The following TMEM132B variants were observed in gnomAD, a reference collection of about 807,000 sequenced individuals.
TMEM132B encodes the protein transmembrane protein 132B.
A neutral mutation model predicts 90.8 loss-of-function variants in TMEM132B; 18 were observed. The ratio of observed to expected loss-of-function variants is 0.20; its 90% CI spans 0.14 to 0.29. TMEM132B has a LOEUF of 0.29. TMEM132B is among the 10% of genes least tolerant of loss of function. TMEM132B has a pLI of 1.00. For missense variants in TMEM132B, 1,096 were observed against 1,326.8 expected (o/e 0.83, Z 2.70); for synonymous variants, 504 against 523.3 (o/e 0.96, Z 0.50).
intron 1 of TMEM132B, among the ~76,000 whole-genome samples, chr12:125,318,844 T>G (rs1467226524): frequency 6.6e-6 from 1 of 152,246 alleles, no homozygotes; most frequent in Non-Finnish European, 1.5e-5. Flanking sequence ...TTCACTGTAT[T>G]ATAAAAATCC....
chr12:125,235,539 G>T (rs1003095017), intron 1 of TMEM132B, among the ~76,000 whole-genome samples: 3 of 150,572 alleles, frequency 2.0e-5, no homozygotes, highest in Non-Finnish European at 4.4e-5. Flanking sequence ...TCACAACGTT[G>T]TGCAACCACC....
intron 1 of TMEM132B, among the ~76,000 whole-genome samples, chr12:125,346,638 A>G (rs1225734547): frequency 6.6e-6 from 1 of 152,240 alleles, no homozygotes; most frequent in African/African-American, 2.4e-5. Context: ...GTCAAAATAC[A>G]GATTGCCCCT....
At chr12:125,309,881 G>T (rs937029924) in intron 1 of TMEM132B, among the ~76,000 whole-genome samples, 1 of 152,132 alleles carries the variant, frequency 6.6e-6, no homozygotes. Flanking sequence ...TGGTCCACTT[G>T]TTGTCATCAT....
chr12:125,400,027 C>A (rs997430295), intron 2 of TMEM132B, among the ~76,000 whole-genome samples: 7 of 152,120 alleles, frequency 4.6e-5, no homozygotes, highest in Admixed American at 2.0e-4. Flanking sequence ...ATTGTAGCTG[C>A]GATGATTGTT....
At chr12:125,353,230 T>G (rs564956226) in intron 2 of TMEM132B, among the ~76,000 whole-genome samples, 2 of 151,816 alleles carry the variant, frequency 1.3e-5, no homozygotes, top group African/African-American at 2.4e-5. Context: ...ACTTCAGCAC[T>G]CCCTCTGCCA....
chr12:125,626,047 C>T (rs1007656553), intron 5 of TMEM132B, among the ~76,000 whole-genome samples: 3 of 152,168 alleles, frequency 2.0e-5, no homozygotes, highest in East Asian at 1.9e-4. Context: ...TATTAACACA[C>T]AATGCATTGT....
intron 2 of TMEM132B, among the ~76,000 whole-genome samples, chr12:125,357,981 C>T (rs929251816): frequency 3.3e-5 from 5 of 152,294 alleles, no homozygotes; most frequent in Admixed American, 6.5e-5. Context: ...TGCGTTCTCC[C>T]GGTGCCCTGG....
chr12:125,236,601 T>C (rs1394191356), intron 1 of TMEM132B, among the ~76,000 whole-genome samples: 2 of 152,226 alleles, frequency 1.3e-5, no homozygotes, highest in Non-Finnish European at 2.9e-5. Context: ...GTCTCTTGTC[T>C]GTATACGGTG....
intron 1 of TMEM132B, among the ~76,000 whole-genome samples, chr12:125,191,551 A>G (rs1263047736): frequency 6.6e-6 from 1 of 152,166 alleles, no homozygotes; most frequent in Non-Finnish European, 1.5e-5. Flanking sequence ...AGCCAGGCTT[A>G]TACTCCCAGG....
chr12:125,365,576 T>A (rs1878104746), intron 2 of TMEM132B, among the ~76,000 whole-genome samples: 1 of 152,146 alleles, frequency 6.6e-6, no homozygotes, highest in Admixed American at 6.5e-5. Context: ...TTGGCAATTT[T>A]TTGAAGTACA....
Position 125,333,398 on chromosome 12 carries a change from CT to C in TMEM132B, c.68-16049del, listed in dbSNP as rs1380983551. ...ACCATGGGTTAGAACCTGGAAATAT[CT>C]TTTTGGGGGGACATTACTCAACCCA... On this transcript the variant is annotated intron_variant, in intron 1 of 8. Coordinates refer to ENST00000682704, the MANE Select transcript of TMEM132B (RefSeq NM_001366854.1). Among the ~76,000 whole-genome samples the C allele has an allele frequency of 2.0e-5, 3 of 152,168 alleles. No individual in the cohort carries two copies. The East Asian group carries it at 5.8e-4, about 29-fold the overall frequency.
At chr12:125,635,143 T>A (rs1368788249) in intron 5 of TMEM132B, among the ~76,000 whole-genome samples, 3 of 152,200 alleles carry the variant, frequency 2.0e-5, no homozygotes, top group East Asian at 1.9e-4. Context: ...TGGATTTATT[T>A]ATTTAATTTA....
intron 5 of TMEM132B, among the ~76,000 whole-genome samples, chr12:125,625,880 A>C (rs1943273848): frequency 1.3e-5 from 2 of 152,070 alleles, no homozygotes; most frequent in South Asian, 4.1e-4. Flanking sequence ...AGTGGTTTTA[A>C]TTGGTATTTC....
chr12:125,475,079 G>T (rs892707388), intron 3 of TMEM132B, among the ~76,000 whole-genome samples: 11 of 152,180 alleles, frequency 7.2e-5, no homozygotes, highest in African/African-American at 2.4e-4. Flanking sequence ...GCTGTAACTA[G>T]AAGGGGGAGG....
chr12:125,319,900 C>T (rs1876381526), intron 1 of TMEM132B, among the ~76,000 whole-genome samples: 2 of 152,192 alleles, frequency 1.3e-5, no homozygotes, highest in Non-Finnish European at 2.9e-5. Flanking sequence ...CCCATAGTTC[C>T]AGCCACTTGG....
chr12:125,302,051 T>C (rs1415927648), intron 1 of TMEM132B: 1 of 151,098 alleles, frequency 6.6e-6, no homozygotes, highest in African/African-American at 2.4e-5. Context: ...AAATAAAAAG[T>C]TAGTCAGGTG....
At chr12:125,391,227 C>T (rs749404008) in intron 2 of TMEM132B, among the ~76,000 whole-genome samples, 9 of 152,158 alleles carry the variant, frequency 5.9e-5, no homozygotes, top group Non-Finnish European at 1.3e-4. Context: ...CCTCAGGCTG[C>T]AGGTCATCCG....
intron 5 of TMEM132B, 102 bp from the exon 6 acceptor site, chr12:125,643,974 T>C: frequency 9.6e-7 from 1 of 1,041,840 alleles, no homozygotes; most frequent in South Asian, 1.5e-5. Flanking sequence ...TTTTGGTGTC[T>C]AATAAATCAG....
intron 3 of TMEM132B, among the ~76,000 whole-genome samples, chr12:125,495,402 T>C (rs904612307): frequency 1.3e-5 from 2 of 151,450 alleles, no homozygotes; most frequent in African/African-American, 4.9e-5. Context: ...TCCTGTTGGA[T>C]GGCCCCTCCT....
Sources: allele counts gnomAD v4.1 joint callset (sites outside exome capture counted in the v4.1 genomes callset), GRCh38; gene constraint gnomAD v4.1.1; transcripts MANE v1.5; gene names NCBI Gene and HGNC (gene_info 2026-07-23, HGNC 2026-07-21).